The following CRYM variants were observed in gnomAD, a reference collection of about 807,000 sequenced individuals.
CRYM encodes the protein ketimine reductase mu-crystallin.
Under a neutral mutation model 32.9 loss-of-function variants are expected in CRYM, and 18 were observed. The observed-to-expected ratio is 0.55, with a 90% confidence interval of 0.38 to 0.81. The LOEUF (loss-of-function observed/expected upper bound fraction) is 0.81. CRYM is among the 30% of genes least tolerant of loss of function. The pLI is 0.00. For synonymous variants in CRYM, 153 were observed against 152.4 expected (o/e 1.00, Z -0.03); for missense variants, 337 against 393.5 (o/e 0.86, Z 1.21).
chr16:21,278,066 G>A lies in CRYM; in HGVS notation c.170+16C>T, dbSNP rs767542425. ...TCCAGTTTCTCCTGCCCCTGACCCC[G>A]ACCCTCCTCACTCACCCCCTGTGCT... On this transcript the variant is annotated intron_variant, in intron 1 of 7. Transcript: ENST00000572914. 2 of 1,538,612 alleles carry A rather than the reference G, an allele frequency of 1.3e-6. No homozygotes were observed. Among genetic ancestry groups the A allele is most frequent in the Admixed American group, 2.0e-5 (1 of 50,894 alleles).
At chr16:21,293,295 C>T (rs1471917421) in intron 1 of CRYM, among the ~76,000 whole-genome samples, 1 of 152,104 alleles carries the variant, frequency 6.6e-6, no homozygotes, top group Non-Finnish European at 1.5e-5. Flanking sequence ...TAAAAGACAG[C>T]GTAGATTGAA....
chr16:21,286,465 G>A (rs1394761737), intron 1 of CRYM, among the ~76,000 whole-genome samples: 2 of 150,634 alleles, frequency 1.3e-5, no homozygotes, highest in Non-Finnish European at 3.0e-5. Flanking sequence ...GACCTCAGGT[G>A]ACCCACCCGC....
At chr16:21,296,735 G>A (rs957619095) in intron 1 of CRYM, among the ~76,000 whole-genome samples, 1 of 152,254 alleles carries the variant, frequency 6.6e-6, no homozygotes, top group Non-Finnish European at 1.5e-5. Context: ...TACTCACTGA[G>A]GCCGGGGGCT....
At position 21,276,823 on chromosome 16, in the gene CRYM, T is replaced by C. The variant is rs574717308; in HGVS notation, c.324+608A>G. The stretch of plus-strand genomic sequence containing the variant: ...TACATAAACCTCGGTAAGTTGAACA[T>C]AGTTGCTCTGACTCGGTTTCCTCAT... On this transcript the variant is annotated intron_variant, in intron 2 of 7. Transcript: ENST00000572914. 1.9e-4 allele frequency among the ~76,000 whole-genome samples: 29 copies of C among 152,314 alleles called. No homozygotes were observed. In the East Asian group the frequency reaches 4.0e-3, roughly 21 times the overall value.
rs1385352879 is a variant in CRYM, at chr16:21,262,150, C to G, written c.682G>C (p.Ala228Pro). The change falls in exon 6 of 8, where the codon GCC becomes CCC. Residue 228 changes from alanine to proline, a missense_variant. Ala to Pro is a conservative substitution (Grantham distance 27). Transcript: ENST00000572914. ...KPGAHINAVG[A>P]SRPDWRELDD... ...AGTTCTCTCCAGTCAGGTCTGCTGGCTCCAACAGCTAAGAGACAGCAAAAC... is the reference window on the plus strand; with the variant it reads ...AGTTCTCTCCAGTCAGGTCTGCTGGGTCCAACAGCTAAGAGACAGCAAAAC... 1.2e-6 allele frequency: 2 copies of G among 1,614,090 alleles called. No individual in the cohort carries two copies. The highest frequency in any genetic ancestry group is 1.7e-5 in the Admixed American group (1 of 60,010).
intron 3 of CRYM, among the ~76,000 whole-genome samples, chr16:21,271,330 C>T (rs2093375025): frequency 6.6e-6 from 1 of 152,158 alleles, no homozygotes; most frequent in South Asian, 2.1e-4. Context: ...CCCTCGACAC[C>T]ATATGTATTA....
chr16:21,279,821 T>C (rs2093395017), upstream of CRYM, among the ~76,000 whole-genome samples: 1 of 151,994 alleles, frequency 6.6e-6, no homozygotes, highest in South Asian at 2.1e-4. Context: ...TCAGTACCAA[T>C]GAAATGAGAA....
chr16:21,275,485 C>A (rs373001807), intron 3 of CRYM, 47 bp downstream of exon 3: 3 of 1,550,200 alleles, frequency 1.9e-6, no homozygotes, highest in Admixed American at 1.7e-5. Flanking sequence ...GACACCAGAC[C>A]CCACTTGACA....
At chr16:21,291,950 G>C (rs1313017811) in intron 1 of CRYM, among the ~76,000 whole-genome samples, 1 of 151,830 alleles carries the variant, frequency 6.6e-6, no homozygotes. Flanking sequence ...AGTGAATTGT[G>C]CTTTTAGTGC....
intron 6 of CRYM, chr16:21,261,599 T>C (rs2093354589): frequency 3.6e-6 from 2 of 551,436 alleles, no homozygotes; most frequent in Admixed American, 3.1e-5. Context: ...CCTGCCAAGA[T>C]CATTGTGTCA....
At chr16:21,283,688 G>A (rs2093402180) in intron 1 of CRYM, 1 of 152,030 alleles carries the variant, frequency 6.6e-6, no homozygotes, top group South Asian at 2.1e-4. Flanking sequence ...GGGGACTGAG[G>A]TGGCGCTCCC....
At chr16:21,284,775 A>G (rs2093404805) in intron 1 of CRYM, among the ~76,000 whole-genome samples, 1 of 152,092 alleles carries the variant, frequency 6.6e-6, no homozygotes, top group Non-Finnish European at 1.5e-5. Flanking sequence ...AGAATGATTT[A>G]TTTTCCTTTG....
At chr16:21,288,286 A>C (rs566664241) in intron 1 of CRYM, among the ~76,000 whole-genome samples, 124 of 152,300 alleles carry the variant, frequency 8.1e-4, no homozygotes, top group African/African-American at 2.9e-3. Context: ...TAAATATCTT[A>C]TTATAGGTCT....
At chr16:21,282,482 C>T (rs1451217799), upstream of CRYM, among the ~76,000 whole-genome samples, 3 of 151,894 alleles carry the variant, frequency 2.0e-5, no homozygotes, top group African/African-American at 7.3e-5. Context: ...AAATACTCAT[C>T]AACTAAAAGA....
At chr16:21,285,943 AATT>A (rs1411132924) in intron 1 of CRYM, among the ~76,000 whole-genome samples, 1 of 152,112 alleles carries the variant, frequency 6.6e-6, no homozygotes. Flanking sequence ...CCATGTAGCT[AATT>A]ATTATTCCAC....
intron 1 of CRYM, among the ~76,000 whole-genome samples, chr16:21,302,647 TC>T (rs1960980846): frequency 6.6e-6 from 1 of 152,142 alleles, no homozygotes; most frequent in Non-Finnish European, 1.5e-5. Flanking sequence ...TACAAGTGTT[TC>T]CTCCGTGATT....
rs201905768 is a variant in CRYM at position 21,262,041 on chromosome 16, G to C, written c.791C>G (p.Ser264Ter). 1.4e-5 allele frequency: 22 copies of C among 1,613,984 alleles called. No homozygotes were observed. The highest frequency in any genetic ancestry group is 3.4e-6 in the Non-Finnish European group (4 of 1,179,934). ...CTGGGGTCAGAAGGGCCTCACCCCT[G>C]ACAGCAGGACATCTCCAGACTCCTT... is the stretch of plus-strand genomic sequence containing the variant. ...ALKESGDVLL[S>*]GAEIFAELGE... The change falls in exon 6 of 8, where the codon TCA becomes TGA. Residue 264 changes from serine to a stop codon, truncating the protein, a stop_gained. Transcript: ENST00000572914. LOFTEE classifies it high-confidence loss of function.
At chr16:21,297,955 C>T (rs1205526768) in intron 1 of CRYM, among the ~76,000 whole-genome samples, 4 of 152,148 alleles carry the variant, frequency 2.6e-5, no homozygotes. Context: ...CATGCTAGAC[C>T]AATACTTGGC....
At chr16:21,290,409 C>G (rs78036562) in intron 1 of CRYM, among the ~76,000 whole-genome samples, 10,361 of 152,130 alleles carry the variant, frequency 0.068, 1,174 homozygotes, top group African/African-American at 0.23. Flanking sequence ...AGACCACAAA[C>G]CCACTGGAAG....
Sources: gnomAD v4.1 joint callset for allele counts (sites outside exome capture counted in the v4.1 genomes callset) on GRCh38, gnomAD v4.1.1 for gene constraint, MANE v1.5 for transcripts, NCBI Gene and HGNC (gene_info 2026-07-23, HGNC 2026-07-21) for gene names.